Variants in C1orf198 observed in about 807,000 individuals in gnomAD.
C1orf198 encodes the protein uncharacterized protein C1orf198.
A neutral mutation model predicts 31.4 loss-of-function variants in C1orf198; 17 were observed. The ratio of observed to expected loss-of-function variants is 0.54; its 90% confidence interval spans 0.37 to 0.81. The LOEUF (loss-of-function observed/expected upper bound fraction) is 0.81. Ranked by LOEUF, C1orf198 falls within the 40% of genes least tolerant of loss-of-function variation. C1orf198 has a pLI of 0.00. For synonymous variants in C1orf198, 175 were observed against 193.8 expected (o/e 0.90, Z 0.81); for missense variants, 401 against 450.3 (o/e 0.89, Z 0.99).
At chr1:230,845,708 C>A (rs7414052) in intron 2 of C1orf198, among the ~76,000 whole-genome samples, 11,453 of 151,644 alleles carry the variant, frequency 0.076, 1,402 homozygotes, top group African/African-American at 0.26. Context: ...AAGAAAAGAA[C>A]AAAGAAAATA....
At chr1:230,859,431 G>A (rs1669955404) in intron 1 of C1orf198, among the ~76,000 whole-genome samples, 1 of 152,142 alleles carries the variant, frequency 6.6e-6, no homozygotes, top group African/African-American at 2.4e-5. Flanking sequence ...CACACGACAA[G>A]AGAGTGGGCT....
At chr1:230,846,323 G>A (rs1013630495) in intron 2 of C1orf198, among the ~76,000 whole-genome samples, 2 of 152,222 alleles carry the variant, frequency 1.3e-5, no homozygotes, top group African/African-American at 4.8e-5. Context: ...GCTAACTTAA[G>A]ATACAAAACA....
chr1:230,846,192 A>T lies in C1orf198; in HGVS notation c.385-2296T>A, dbSNP rs557361517. On this transcript the variant is annotated intron_variant, in intron 2 of 3. Transcript: ENST00000366663. Reference sequence around the variant, plus strand: ...CAAACAATTTAAACCTTTCCTTTTTATGGTTTTGGATGCATACTATCAAAT... The same window carrying T: ...CAAACAATTTAAACCTTTCCTTTTTTTGGTTTTGGATGCATACTATCAAAT... Among the ~76,000 whole-genome samples, 47 of 152,310 alleles carry T rather than the reference A, an allele frequency of 3.1e-4. 1 individual carries two copies. The highest frequency in any genetic ancestry group is 2.0e-3 in the Admixed American group (31 of 15,306).
intron 2 of C1orf198, among the ~76,000 whole-genome samples, chr1:230,847,278 CA>C (rs11320938): frequency 0.11 from 10,380 of 91,006 alleles, 1,056 homozygotes; most frequent in African/African-American, 0.32. Flanking sequence ...GACTCTGTCT[CA>C]AAAAAAAAAA....
In C1orf198 at chr1:230,837,441, G is replaced by C. The variant is rs911198601; in HGVS notation, c.*2411C>G. Reference sequence around the variant, plus strand: ...ATCCTTGAGCTGAATCCCAGGTGCAGAGACTGGGGGGAGGTGGAGAATCCA... The same window carrying C: ...ATCCTTGAGCTGAATCCCAGGTGCACAGACTGGGGGGAGGTGGAGAATCCA... On this transcript the variant is annotated 3_prime_UTR_variant, in exon 4 of 4. Transcript: ENST00000366663. 3.3e-5 allele frequency: 5 copies of C among 152,244 alleles called. No individual in the cohort carries two copies. The highest frequency in any genetic ancestry group is 1.2e-4 in the African/African-American group (5 of 41,454). 9.4% of individuals were successfully genotyped at this position (152,244 alleles called of 1,614,324 possible).
chr1:230,867,816 T>A (rs1670155658), intron 1 of C1orf198, among the ~76,000 whole-genome samples: 1 of 152,202 alleles, frequency 6.6e-6, no homozygotes, highest in Admixed American at 6.5e-5. Flanking sequence ...AGGTAGTAAG[T>A]AGCAGAGCTG....
At position 230,858,942 on chromosome 1, in the gene C1orf198, T is replaced by A. The variant is rs142406525; in HGVS notation, c.334-3224A>T. Among the ~76,000 whole-genome samples the A allele has an allele frequency of 6.2e-3, 946 of 152,136 alleles. 6 individuals carry two copies. Among genetic ancestry groups the A allele is most frequent in the South Asian group, 0.02 (96 of 4,820 alleles). On this transcript the variant is annotated intron_variant, in intron 1 of 3. Coordinates refer to ENST00000366663, the MANE Select transcript of C1orf198 (RefSeq NM_032800.3). ...AAGGGGGTCACAGGAGGAGAAAGGG[T>A]CACACTGTGATTTCTCCCCTACTTA...
At position 230,837,692 on chromosome 1, in the gene C1orf198, C is replaced by T. The variant is rs1669336656; in HGVS notation, c.*2160G>A. 6.6e-6 allele frequency: 1 copy of T among 152,182 alleles called. No homozygotes were observed. The highest frequency in any genetic ancestry group is 2.1e-4 in the South Asian group (1 of 4,818). The allele number at this position is 152,182 out of a possible 1,614,324, so 9.4% of individuals were successfully genotyped here. ...TGTGTCCTCCAGGTCGTCCCTTCTTCCAAAAGCACAGCAAAGCAATACAAC... is the reference window on the plus strand; with the variant it reads ...TGTGTCCTCCAGGTCGTCCCTTCTTTCAAAAGCACAGCAAAGCAATACAAC... On this transcript the variant is annotated 3_prime_UTR_variant, in exon 4 of 4. Coordinates refer to ENST00000366663, the MANE Select transcript of C1orf198 (RefSeq NM_032800.3).
intron 1 of C1orf198, among the ~76,000 whole-genome samples, chr1:230,858,225 T>C (rs932832506): frequency 6.6e-6 from 1 of 152,192 alleles, no homozygotes; most frequent in Admixed American, 6.5e-5. Flanking sequence ...AGGGGTACAG[T>C]TGAGCTAAAT....
intron 1 of C1orf198, among the ~76,000 whole-genome samples, chr1:230,858,467 C>T (rs755222558): frequency 2.6e-5 from 4 of 152,180 alleles, no homozygotes; most frequent in Non-Finnish European, 5.9e-5. Flanking sequence ...ACTCACACAC[C>T]CCCTAAGACT....
Position 230,839,961 on chromosome 1 carries a change from C to T in C1orf198, c.928-53G>A, listed in dbSNP as rs746432533. The T allele has an allele frequency of 1.1e-4, 171 of 1,496,066 alleles. 1 individual carries two copies. Among genetic ancestry groups the T allele is most frequent in the Middle Eastern group, 1.9e-4 (1 of 5,328 alleles). 92.7% of individuals were successfully genotyped at this position (1,496,066 alleles called of 1,614,324 possible). A position where few individuals can be genotyped will look rare whatever the true frequency, so the allele number is the denominator to read the frequency against. On this transcript the variant is annotated intron_variant, in intron 3 of 3. Transcript: ENST00000366663. ...AAGACGAGCCTCTTTTTTTCAGTTACGTATAATCTAAAAACAGCATCTCAT... is the reference window on the plus strand; with the variant it reads ...AAGACGAGCCTCTTTTTTTCAGTTATGTATAATCTAAAAACAGCATCTCAT...
At position 230,857,586 on chromosome 1, in the gene C1orf198, T is replaced by C. The variant is rs1238068011; in HGVS notation, c.334-1868A>G. Among the ~76,000 whole-genome samples the C allele has an allele frequency of 6.6e-6, 1 of 152,178 alleles. No homozygotes were observed. Among genetic ancestry groups the C allele is most frequent in the Non-Finnish European group, 1.5e-5 (1 of 68,042 alleles). ...TGCCTTGGCTCTGTGCAGTAGAGGC[T>C]GGTACATTTGTGGCACAAATACTTC... On this transcript the variant is annotated intron_variant, in intron 1 of 3. Coordinates refer to ENST00000366663, the MANE Select transcript of C1orf198 (RefSeq NM_032800.3). The surrounding 1 kb of genome is among the most constrained non-coding windows in gnomAD (Gnocchi z 4.2).
In C1orf198 at chr1:230,840,865, AG is replaced by A. The variant is rs1353307759; in HGVS notation, c.928-958del. On this transcript the variant is annotated intron_variant, in intron 3 of 3. Coordinates refer to ENST00000366663, the MANE Select transcript of C1orf198 (RefSeq NM_032800.3). This position sits in a 1 kb window ranked among gnomAD's most constrained non-coding sequence, Gnocchi z 4.0. ...TGGTGCAGAGTGAGGCAAAACATGCAGAATGGAAGGAGTGCAATCCAGTTTT... is the reference window on the plus strand; with the variant it reads ...TGGTGCAGAGTGAGGCAAAACATGCAAATGGAAGGAGTGCAATCCAGTTTT... Among the ~76,000 whole-genome samples, 1 of 152,236 alleles carries A rather than the reference AG, an allele frequency of 6.6e-6. No homozygotes were observed. The highest frequency in any genetic ancestry group is 6.5e-5 in the Admixed American group (1 of 15,286).
Position 230,839,766 on chromosome 1 carries a change from A to C in C1orf198, c.*86T>G, listed in dbSNP as rs1241868348. On this transcript the variant is annotated 3_prime_UTR_variant, in exon 4 of 4. Transcript: ENST00000366663. ...GTGTCAAGAAACCAGTAAAATACAT[A>C]GGAAAAGGTGGCCCTTTTTATCCTC... 2 of 1,137,876 alleles carry C rather than the reference A, an allele frequency of 1.8e-6. No homozygotes were observed. The highest frequency in any genetic ancestry group is 2.5e-6 in the Non-Finnish European group (2 of 790,708). 70.5% of individuals were successfully genotyped at this position (1,137,876 alleles called of 1,614,324 possible).
In C1orf198 at chr1:230,843,522, A is replaced by G; in HGVS notation, c.759T>C (p.Arg253=). The G allele has an allele frequency of 6.2e-7, 1 of 1,612,220 alleles. No homozygotes were observed. Among genetic ancestry groups the G allele is most frequent in the South Asian group, 1.1e-5 (1 of 90,912 alleles). Residue 253 remains arginine (R), a synonymous_variant, in exon 3 of 4, where the codon CGT becomes CGC. Coordinates refer to ENST00000366663, the MANE Select transcript of C1orf198 (RefSeq NM_032800.3). This position sits in a 1 kb window ranked among gnomAD's most constrained non-coding sequence, Gnocchi z 4.9. ...ERPSTLRQEQ[R]PLPNVSTERE... ...GTTCGGTGCTCACGTTGGGAAGAGG[A>G]CGCTGCTCCTGACGGAGGGTGCTGG...
chr1:230,851,620 A>G (rs973182079), intron 2 of C1orf198, among the ~76,000 whole-genome samples: 10 of 152,166 alleles, frequency 6.6e-5, no homozygotes, highest in African/African-American at 2.4e-4. Context: ...AAGCTGATAG[A>G]TGAGTGGAAA....
At chr1:230,841,426 G>A (rs1198910318) in intron 3 of C1orf198, among the ~76,000 whole-genome samples, 1 of 152,198 alleles carries the variant, frequency 6.6e-6, no homozygotes, top group African/African-American at 2.4e-5. Context: ...AATGTTATCA[G>A]TGATGATCTC....
chr1:230,868,528 C>A (rs765099140), upstream of C1orf198: 18 of 1,279,356 alleles, frequency 1.4e-5, no homozygotes, highest in Non-Finnish European at 1.7e-5. Flanking sequence ...GCCTGCCCGC[C>A]GCTCCCGGCC....
chr1:230,844,081 C>T (rs1243156700), intron 2 of C1orf198, among the ~76,000 whole-genome samples, 185 bp from the exon 3 acceptor site: 2 of 152,118 alleles, frequency 1.3e-5, no homozygotes, highest in African/African-American at 4.8e-5. Flanking sequence ...CCATCGCACA[C>T]CTGAAATGCA....
Sources: gnomAD v4.1 joint callset for allele counts (sites outside exome capture counted in the v4.1 genomes callset) on GRCh38, gnomAD v4.1.1 for gene constraint, Gnocchi (gnomAD v3.1) non-coding constraint, MANE v1.5 for transcripts, NCBI Gene and HGNC (gene_info 2026-07-23, HGNC 2026-07-21) for gene names.